Variants in PLSCR2 observed in about 807,000 individuals in gnomAD.
The protein encoded by PLSCR2 is PL scramblase 2.
PLSCR2 carries 18 observed loss-of-function variants against 25.3 expected under a neutral mutation model. The observed-to-expected ratio is 0.71, with a 90% CI of 0.49 to 1.06. The LOEUF is 1.06. PLSCR2 is among the 50% of genes least tolerant of loss of function. PLSCR2 has a pLI of 0.00. For synonymous variants in PLSCR2, 88 were observed against 87.3 expected, an observed-to-expected ratio of 1.01 and a Z score of -0.04; for missense variants, 243 against 269.5, an observed-to-expected ratio of 0.90 and a Z score of 0.69.
downstream of PLSCR2, among the ~76,000 whole-genome samples, chr3:146,437,215 A>G (rs930969732): frequency 6.6e-6 from 1 of 151,810 alleles, no homozygotes; most frequent in Non-Finnish European, 1.5e-5. Flanking sequence ...GATGTTCATC[A>G]GGGATATTGG....
chr3:146,441,806 CA>C lies in PLSCR2; in HGVS notation c.660del (p.Phe220LeufsTer?). On this transcript the variant is annotated frameshift_variant, in exon 7 of 7. Coordinates refer to ENST00000610787, the Ensembl canonical transcript of PLSCR2. LOFTEE classifies it high-confidence loss of function. ...CATTCCAGTCATTACCTAGTTCTTT[CA>C]AAAAACATGTAGTCCTGGATAAAAA... The C allele has an allele frequency of 6.3e-7, 1 of 1,590,420 alleles. No homozygotes were observed. Among genetic ancestry groups the C allele is most frequent in the Non-Finnish European group, 8.6e-7 (1 of 1,164,624 alleles).
At chr3:146,476,870 C>T (rs1374824666) in intron 1 of PLSCR2, among the ~76,000 whole-genome samples, 1 of 152,228 alleles carries the variant, frequency 6.6e-6, no homozygotes, top group Admixed American at 6.5e-5. Flanking sequence ...GGGCCTGAGC[C>T]CCTAGGGGGA....
rs973162786 is a variant in PLSCR2, at chr3:146,404,216, C to T, written c.101-8295G>A. Among the ~76,000 whole-genome samples, 3 of 152,202 alleles carry T rather than the reference C, an allele frequency of 2.0e-5. No individual in the cohort carries two copies. In the East Asian group the frequency reaches 5.8e-4, roughly 29 times the overall value. On this transcript the variant is annotated intron_variant and NMD_transcript_variant, in intron 2 of 3. Transcript: ENST00000463633. Reference sequence around the variant, plus strand: ...TGCACCCTTCTCTATATAGAAGTACCTTGCCTTGCTGAGAATTAAAAAGAA... The same window carrying T: ...TGCACCCTTCTCTATATAGAAGTACTTTGCCTTGCTGAGAATTAAAAAGAA...
chr3:146,415,618 A>G (rs2038984572), intron 2 of PLSCR2, among the ~76,000 whole-genome samples: 1 of 152,138 alleles, frequency 6.6e-6, no homozygotes, highest in Non-Finnish European at 1.5e-5. Flanking sequence ...CAACCTTTTC[A>G]AGAAGTTACA....
intron 2 of PLSCR2, among the ~76,000 whole-genome samples, chr3:146,405,059 T>C (rs1481488494): frequency 6.6e-6 from 1 of 151,804 alleles, no homozygotes; most frequent in African/African-American, 2.4e-5. Flanking sequence ...GGATTAAGAG[T>C]CCGTTTATTT....
chr3:146,393,908 T>C (rs995140893), intron 3 of PLSCR2, among the ~76,000 whole-genome samples: 1 of 152,024 alleles, frequency 6.6e-6, no homozygotes, highest in Non-Finnish European at 1.5e-5. Flanking sequence ...CTCTTATATC[T>C]AGTATAAATG....
intron 3 of PLSCR2, among the ~76,000 whole-genome samples, chr3:146,456,500 G>T (rs1210769141): frequency 6.6e-6 from 1 of 152,090 alleles, no homozygotes; most frequent in East Asian, 1.9e-4. Context: ...TTCCTCTGTG[G>T]TCATCTATTA....
intron 1 of PLSCR2, among the ~76,000 whole-genome samples, chr3:146,477,796 C>A (rs2042971549): frequency 6.6e-6 from 1 of 152,298 alleles, no homozygotes; most frequent in East Asian, 1.9e-4. Flanking sequence ...GAGTCTCTGA[C>A]CCTCGTGTAG....
At chr3:146,450,797 T>C (rs531496454) in intron 5 of PLSCR2, among the ~76,000 whole-genome samples, 85 of 152,324 alleles carry the variant, frequency 5.6e-4, no homozygotes, top group African/African-American at 1.9e-3. Context: ...ATAAACCTAC[T>C]ACTAGACTTA....
chr3:146,473,848 C>T lies in PLSCR2; in HGVS notation c.-292-13564G>A, dbSNP rs563858371. On this transcript the variant is annotated intron_variant, in intron 1 of 8. Coordinates refer to the PLSCR2 transcript ENST00000336685. ...GCTTTTCTAATAAATTCCCATGTGA[C>T]GCTCATGATGGTTTTCCAGGGACTT... Among the ~76,000 whole-genome samples, 86 of 152,242 alleles carry T rather than the reference C, an allele frequency of 5.6e-4. 2 individuals are homozygous for T. In the Middle Eastern group the frequency reaches 0.014, roughly 24 times the overall value.
At chr3:146,447,803 GTT>G in intron 6 of PLSCR2, among the ~76,000 whole-genome samples, 1 of 152,282 alleles carries the variant, frequency 6.6e-6, no homozygotes, top group East Asian at 1.9e-4. Flanking sequence ...TGCCTTTCAA[GTT>G]TATTTAGAAC....
At position 146,449,374 on chromosome 3, in the gene PLSCR2, T is replaced by C; in HGVS notation, c.484-7A>G. ...GTTCATCAAGAGATGTAATCTAAATTGCAAAAAAAAAAAAAACTTAAAAAT... is the reference window on the plus strand; with the variant it reads ...GTTCATCAAGAGATGTAATCTAAATCGCAAAAAAAAAAAAAACTTAAAAAT... On this transcript the variant is annotated splice_polypyrimidine_tract_variant and splice_region_variant and intron_variant, in intron 5 of 6. Transcript: ENST00000610787. 6.7e-7 allele frequency: 1 copy of C among 1,494,346 alleles called. No individual in the cohort carries two copies. Among genetic ancestry groups the C allele is most frequent in the Non-Finnish European group, 9.0e-7 (1 of 1,115,102 alleles). The allele number at this position is 1,494,346 out of a possible 1,614,324, so 92.6% of individuals were successfully genotyped here.
downstream of PLSCR2, among the ~76,000 whole-genome samples, chr3:146,441,065 T>C (rs7635651): frequency 0.012 from 1,853 of 152,238 alleles, 35 homozygotes; most frequent in African/African-American, 0.043. Flanking sequence ...ATGTCTTTCT[T>C]TATTTACTGA....
chr3:146,450,666 A>C (rs1338708753), intron 5 of PLSCR2, among the ~76,000 whole-genome samples: 2 of 152,244 alleles, frequency 1.3e-5, no homozygotes, highest in Non-Finnish European at 2.9e-5. Context: ...ATCCAGAGTG[A>C]ACATATATCA....
At chr3:146,488,718 C>T (rs185421979) in intron 1 of PLSCR2, among the ~76,000 whole-genome samples, 5 of 152,038 alleles carry the variant, frequency 3.3e-5, no homozygotes, top group African/African-American at 4.8e-5. Context: ...TTTACACTGT[C>T]GGTGGGAATC....
At chr3:146,458,562 C>A in intron 2 of PLSCR2, 109 bp from the exon 3 acceptor site, 1 of 720,310 alleles carries the variant, frequency 1.4e-6, no homozygotes, top group Non-Finnish European at 2.0e-6. Flanking sequence ...CGACATTTAT[C>A]AATATCAAAT....
chr3:146,401,564 A>G (rs1270849649), intron 2 of PLSCR2: 1 of 152,566 alleles, frequency 6.6e-6, no homozygotes, highest in African/African-American at 2.4e-5. Context: ...TGAGGACTAG[A>G]GAATAAAATA....
upstream of PLSCR2, chr3:146,463,995 C>T (rs2041746015): frequency 2.0e-6 from 2 of 983,296 alleles, no homozygotes; most frequent in Non-Finnish European, 2.4e-6. Context: ...TTATTTGGCC[C>T]TGAAATAAAT....
At chr3:146,489,960 G>A (rs908561204) in intron 1 of PLSCR2, among the ~76,000 whole-genome samples, 1 of 151,962 alleles carries the variant, frequency 6.6e-6, no homozygotes, top group East Asian at 1.9e-4. Flanking sequence ...TCACATGCAA[G>A]GCACATTTAC....
Sources: allele counts gnomAD v4.1 joint callset (sites outside exome capture counted in the v4.1 genomes callset), GRCh38; gene constraint gnomAD v4.1.1; transcripts MANE v1.5; gene names NCBI Gene and HGNC (gene_info 2026-07-23, HGNC 2026-07-21).